The following SLC15A5 variants were observed in gnomAD, a reference collection of about 807,000 sequenced individuals.
The protein encoded by SLC15A5 is solute carrier family 15 member 5, also known as Peptide/histidine transporter ENSP00000340402.
In SLC15A5, 58 loss-of-function variants were observed where a neutral mutation model predicts 56.1. The observed-to-expected ratio is 1.03, with a 90% CI of 0.84 to 1.29. SLC15A5 has a LOEUF of 1.29. Ranked by LOEUF, SLC15A5 falls within the 50% of genes most tolerant of loss-of-function variation. The pLI, the probability that SLC15A5 is intolerant of heterozygous loss-of-function variation, is 0.00. For missense variants in SLC15A5, 681 were observed against 672.1 expected (o/e 1.01, Z -0.15); for synonymous variants, 264 against 250.5 (o/e 1.05, Z -0.51).
chr12:16,247,502 A>G (rs1864473687), intron 3 of SLC15A5, among the ~76,000 whole-genome samples: 1 of 152,162 alleles, frequency 6.6e-6, no homozygotes. Flanking sequence ...AAGCAGGAAA[A>G]TATTAGGCAA....
chr12:16,276,937 A>C (rs979079380), intron 1 of SLC15A5, among the ~76,000 whole-genome samples: 2 of 152,030 alleles, frequency 1.3e-5, no homozygotes, highest in Non-Finnish European at 2.9e-5. Context: ...GAACTTCAAA[A>C]ACCTTTTTTA....
chr12:16,205,898 A>G (rs1020665468), intron 7 of SLC15A5, among the ~76,000 whole-genome samples: 1 of 152,144 alleles, frequency 6.6e-6, no homozygotes. Flanking sequence ...TCTTCAAAAG[A>G]TAGTTGGAGA....
At chr12:16,229,266 T>G (rs951155108) in intron 5 of SLC15A5, among the ~76,000 whole-genome samples, 5 of 152,242 alleles carry the variant, frequency 3.3e-5, no homozygotes, top group African/African-American at 1.2e-4. Flanking sequence ...GCTTGTTACT[T>G]CAGTCTAATT....
At chr12:16,238,954 A>T (rs901627437) in intron 5 of SLC15A5, among the ~76,000 whole-genome samples, 1 of 151,938 alleles carries the variant, frequency 6.6e-6, no homozygotes. Flanking sequence ...TCCAAAATTT[A>T]TCTAGGGTAT....
chr12:16,242,650 G>A (rs866307946), intron 4 of SLC15A5, among the ~76,000 whole-genome samples: 21 of 152,034 alleles, frequency 1.4e-4, no homozygotes, highest in African/African-American at 4.8e-4. Flanking sequence ...ATCTAGATTT[G>A]GTGATATGCT....
chr12:16,212,334 C>A (rs969896409), intron 7 of SLC15A5, among the ~76,000 whole-genome samples: 1 of 152,018 alleles, frequency 6.6e-6, no homozygotes, highest in Non-Finnish European at 1.5e-5. Flanking sequence ...TTAAGAAAAA[C>A]CAGTTTTAGA....
intron 3 of SLC15A5, among the ~76,000 whole-genome samples, chr12:16,254,110 CCTAATATT>C (rs1864545406): frequency 1.3e-5 from 2 of 151,876 alleles, no homozygotes; most frequent in African/African-American, 4.8e-5. Flanking sequence ...GTATTAATAT[CCTAATATT>C]CTCAAGGTAT....
chr12:16,194,771 T>C (rs1402628086), intron 7 of SLC15A5, among the ~76,000 whole-genome samples: 1 of 152,112 alleles, frequency 6.6e-6, no homozygotes, highest in Non-Finnish European at 1.5e-5. Context: ...GTATCTTATT[T>C]ATCCTTATAT....
chr12:16,218,518 T>TA (rs1302826523), intron 6 of SLC15A5, among the ~76,000 whole-genome samples: 1 of 152,168 alleles, frequency 6.6e-6, no homozygotes, highest in African/African-American at 2.4e-5. Flanking sequence ...TGGTCTAGCC[T>TA]ACTACACACC....
chr12:16,199,164 G>GC, intron 7 of SLC15A5, among the ~76,000 whole-genome samples: 1 of 151,954 alleles, frequency 6.6e-6, no homozygotes, highest in Non-Finnish European at 1.5e-5. Context: ...TACAAAGCCT[G>GC]CCCCCCACAG....
intron 3 of SLC15A5, among the ~76,000 whole-genome samples, chr12:16,253,729 C>T (rs1277965900): frequency 6.6e-6 from 1 of 152,022 alleles, no homozygotes; most frequent in Non-Finnish European, 1.5e-5. Flanking sequence ...GAAGATGTCA[C>T]TTCATAGCCA....
At chr12:16,227,017 G>A (rs1204094901) in intron 5 of SLC15A5, among the ~76,000 whole-genome samples, 2 of 152,090 alleles carry the variant, frequency 1.3e-5, no homozygotes, top group African/African-American at 4.8e-5. Context: ...AGAGAAACTG[G>A]TAGGTAATTT....
At position 16,271,660 on chromosome 12, in the gene SLC15A5, A is replaced by G. The variant is rs1409795312; in HGVS notation, c.584+901T>C. ...GCCTATACATACACATATAGACACT[A>G]TTTACTCTAAAAATGGACAATGTAG... On this transcript the variant is annotated intron_variant, in intron 2 of 8. Transcript: ENST00000344941. The surrounding 1 kb of genome is among the most constrained non-coding windows in gnomAD (Gnocchi z 8.0). 1.3e-5 allele frequency among the ~76,000 whole-genome samples: 2 copies of G among 152,136 alleles called. No homozygotes were observed. The highest frequency in any genetic ancestry group is 4.8e-5 in the African/African-American group (2 of 41,436).
At chr12:16,207,574 T>G (rs1403606008) in intron 7 of SLC15A5, among the ~76,000 whole-genome samples, 10 of 152,176 alleles carry the variant, frequency 6.6e-5, no homozygotes, top group Non-Finnish European at 1.3e-4. Context: ...AAATTCATGC[T>G]TTAGGTAGTT....
chr12:16,210,692 C>T (rs1224337282), intron 7 of SLC15A5, among the ~76,000 whole-genome samples: 2 of 152,202 alleles, frequency 1.3e-5, no homozygotes, highest in East Asian at 3.9e-4. Context: ...AGCTCAAGAC[C>T]TAGGAACTCA....
At chr12:16,207,984 A>G (rs1002188824) in intron 7 of SLC15A5, among the ~76,000 whole-genome samples, 2 of 152,042 alleles carry the variant, frequency 1.3e-5, no homozygotes, top group African/African-American at 4.8e-5. Flanking sequence ...TGTCTTCTAA[A>G]TCATCTTTTC....
chr12:16,215,580 G>T (rs984363204), intron 7 of SLC15A5, among the ~76,000 whole-genome samples: 1 of 152,150 alleles, frequency 6.6e-6, no homozygotes, highest in East Asian at 1.9e-4. Context: ...GAGCACTAGA[G>T]AAGTCAGCAA....
chr12:16,203,957 C>T (rs138796757), intron 7 of SLC15A5, among the ~76,000 whole-genome samples: 4 of 151,764 alleles, frequency 2.6e-5, no homozygotes, highest in African/African-American at 7.2e-5. Context: ...GTTCAAATAG[C>T]AAAAAGGAAA....
At chr12:16,222,615 G>T (rs942209760) in intron 6 of SLC15A5, among the ~76,000 whole-genome samples, 1 of 152,150 alleles carries the variant, frequency 6.6e-6, no homozygotes, top group African/African-American at 2.4e-5. Flanking sequence ...AATAGCAGAT[G>T]AGTCAAGTGA....
Sources: gnomAD v4.1 joint callset for allele counts (sites outside exome capture counted in the v4.1 genomes callset) on GRCh38, gnomAD v4.1.1 for gene constraint, Gnocchi (gnomAD v3.1) non-coding constraint, MANE v1.5 for transcripts, NCBI Gene and HGNC (gene_info 2026-07-23, HGNC 2026-07-21) for gene names.